FREM1: variants seen among roughly 807,000 people sequenced by gnomAD.
FREM1 encodes FRAS1-related extracellular matrix protein 1.
In FREM1, 220 loss-of-function variants were observed where a neutral mutation model predicts 210.1. That is an observed-to-expected ratio of 1.05 (90% CI 0.94 to 1.17). FREM1 has a LOEUF of 1.17. Among genes scored for constraint, FREM1 ranks in the 50% most tolerant of loss-of-function variants. The pLI is 0.00. For missense variants in FREM1, 3,454 were observed against 2,675.5 expected, an observed-to-expected ratio of 1.29 and a Z score of -6.42; for synonymous variants, 1,189 against 980.2, an observed-to-expected ratio of 1.21 and a Z score of -3.98.
intron 3 of FREM1, among the ~76,000 whole-genome samples, chr9:14,862,579 G>T (rs1830779128): frequency 6.6e-6 from 1 of 152,070 alleles, no homozygotes; most frequent in Non-Finnish European, 1.5e-5. Flanking sequence ...TAGTCCCAAG[G>T]TTGTACAACC....
Position 14,792,925 on chromosome 9 carries a change from G to T in FREM1, c.3840-41C>A, listed in dbSNP as rs906357613. Reference sequence around the variant, plus strand: ...TGTCTGGGTTGATATAAAAATAGAAGATATTCCTTTAGTAGGGGACACTTA... The same window carrying T: ...TGTCTGGGTTGATATAAAAATAGAATATATTCCTTTAGTAGGGGACACTTA... On this transcript the variant is annotated intron_variant, in intron 21 of 36. Coordinates refer to ENST00000380880, the MANE Select transcript of FREM1 (RefSeq NM_001379081.2). The T allele has an allele frequency of 2.0e-5, 28 of 1,400,706 alleles. No homozygotes were observed. The Middle Eastern group carries it at 2.2e-3, about 108-fold the overall frequency. 86.8% of individuals were successfully genotyped at this position (1,400,706 alleles called of 1,614,324 possible). A position where few individuals can be genotyped will look rare whatever the true frequency, so the allele number is the denominator to read the frequency against.
rs768554865 is a variant in FREM1 at position 14,868,859 on chromosome 9, G to A, written c.119C>T (p.Ala40Val). 5 of 1,609,798 alleles carry A rather than the reference G, an allele frequency of 3.1e-6. No individual in the cohort carries two copies. The South Asian group carries it at 5.6e-5, about 18-fold the overall frequency. ...CTTCAGGTCATCTCCTGACAGGAAGGCAGAGTGGCCCTTCATCACCCTCAC... is the reference window on the plus strand; with the variant it reads ...CTTCAGGTCATCTCCTGACAGGAAGACAGAGTGGCCCTTCATCACCCTCAC... ...RGVRVMKGHS[A>V]FLSGDDLKFA... Residue 40 changes from alanine (A) to valine (V), a missense_variant, in exon 2 of 37, where the codon GCC becomes GTC. Coordinates refer to ENST00000380880, the MANE Select transcript of FREM1 (RefSeq NM_001379081.2).
At chr9:14,739,473 TATA>T (rs761488693) in intron 36 of FREM1, among the ~76,000 whole-genome samples, 15,289 of 130,090 alleles carry the variant, frequency 0.12, 1,029 homozygotes, top group Non-Finnish European at 0.16. Context: ...TATATATATA[TATA>T]ATTCATATAT....
chr9:14,758,354 C>G (rs1844813241), intron 28 of FREM1, among the ~76,000 whole-genome samples: 1 of 152,140 alleles, frequency 6.6e-6, no homozygotes, highest in Non-Finnish European at 1.5e-5. Context: ...AAAACTCCAG[C>G]CTAGAGCATA....
chr9:14,849,443 T>C (rs1378848513), intron 6 of FREM1, among the ~76,000 whole-genome samples: 1 of 152,230 alleles, frequency 6.6e-6, no homozygotes, highest in East Asian at 1.9e-4. Context: ...AGTTTTGATC[T>C]TTATTATGTG....
chr9:14,861,205 A>ATG (rs1564106983), intron 3 of FREM1, among the ~76,000 whole-genome samples: 2 of 100,632 alleles, frequency 2.0e-5, no homozygotes, highest in African/African-American at 1.2e-4. Context: ...ATATATACAC[A>ATG]CATATACATA....
chr9:14,900,309 A>G (rs1838548986), intron 1 of FREM1, among the ~76,000 whole-genome samples: 1 of 152,238 alleles, frequency 6.6e-6, no homozygotes, highest in African/African-American at 2.4e-5. Flanking sequence ...TCTAATGAGC[A>G]ACCAGGATGG....
chr9:14,813,191 G>C (rs916596729), intron 15 of FREM1, 127 bp from the exon 16 acceptor site: 1 of 1,030,322 alleles, frequency 9.7e-7, no homozygotes, highest in African/African-American at 1.6e-5. Flanking sequence ...AACAACAGCC[G>C]TGAAATTTGG....
Position 14,797,641 on chromosome 9 carries a change from T to C in FREM1, c.3696A>G (p.Gly1232=). The stretch of plus-strand genomic sequence containing the variant: ...CATCATGCATGTACGTCAACCTCAT[T>C]CCTGGAAGAAGGAAAAAAAATAAGT... ...HSFSMELLKT[G]MRLTYMHDDS... Residue 1232 remains glycine, a splice_region_variant and synonymous_variant, in exon 21 of 37, where the codon GGA becomes GGG. Coordinates refer to ENST00000380880, the MANE Select transcript of FREM1 (RefSeq NM_001379081.2). The C allele has an allele frequency of 6.2e-7, 1 of 1,609,208 alleles. No individual in the cohort carries two copies.
chr9:14,783,880 T>C (rs1850004474), intron 24 of FREM1, among the ~76,000 whole-genome samples: 1 of 152,228 alleles, frequency 6.6e-6, no homozygotes, highest in South Asian at 2.1e-4. Flanking sequence ...ACACATTGTG[T>C]CAAAAGGCAG....
At position 14,842,645 on chromosome 9, in the gene FREM1, A is replaced by T. The variant is rs1380257409; in HGVS notation, c.1409T>A (p.Leu470His). 6.2e-7 allele frequency: 1 copy of T among 1,613,430 alleles called. No individual in the cohort carries two copies. The highest frequency in any genetic ancestry group is 2.2e-5 in the East Asian group (1 of 44,880). ...WLTLRGGKGF[L>H]FTVADLQAGV... is the part of the protein sequence containing the mutation. ...AGCCTGGAGGTCAGCCACGGTGAAGAGAAACCCTTTCCCCCCTGAGGGAGA... is the reference window on the plus strand; with the variant it reads ...AGCCTGGAGGTCAGCCACGGTGAAGTGAAACCCTTTCCCCCCTGAGGGAGA... Residue 470 changes from leucine (L) to histidine (H), a missense_variant, in exon 9 of 37, where the codon CTC (leucine) becomes CAC (histidine). Transcript: ENST00000380880.
At chr9:14,860,704 T>C (rs1482340964) in intron 3 of FREM1, among the ~76,000 whole-genome samples, 2 of 106,376 alleles carry the variant, frequency 1.9e-5, no homozygotes, top group South Asian at 2.6e-4. Context: ...CACACATATA[T>C]ACACACATAT....
chr9:14,827,401 A>G (rs75403488), intron 10 of FREM1, among the ~76,000 whole-genome samples: 2,195 of 152,336 alleles, frequency 0.014, 61 homozygotes, highest in African/African-American at 0.048. Flanking sequence ...GGGATGAGGT[A>G]GGATGCGTGG....
intron 21 of FREM1, among the ~76,000 whole-genome samples, chr9:14,796,001 T>A (rs1852302466): frequency 6.6e-6 from 1 of 152,174 alleles, no homozygotes; most frequent in African/African-American, 2.4e-5. Context: ...GCTATACTAA[T>A]CCAACATATT....
chr9:14,763,376 T>C (rs534055685), intron 27 of FREM1, among the ~76,000 whole-genome samples: 2 of 152,284 alleles, frequency 1.3e-5, no homozygotes, highest in South Asian at 2.1e-4. Flanking sequence ...TTCTTCCATA[T>C]GCGGTTTTAA....
chr9:14,878,437 A>G (rs1834174642), intron 1 of FREM1, among the ~76,000 whole-genome samples: 1 of 151,830 alleles, frequency 6.6e-6, no homozygotes, highest in South Asian at 2.1e-4. Context: ...ATCAAATGTC[A>G]CACTTGCAGT....
At chr9:14,883,782 G>C (rs1835257752) in intron 1 of FREM1, among the ~76,000 whole-genome samples, 1 of 152,190 alleles carries the variant, frequency 6.6e-6, no homozygotes. Context: ...TCCCAGCATA[G>C]GGCTAAGTCA....
intron 1 of FREM1, among the ~76,000 whole-genome samples, chr9:14,898,233 T>C (rs554578045): frequency 6.6e-6 from 1 of 152,218 alleles, no homozygotes; most frequent in Non-Finnish European, 1.5e-5. Flanking sequence ...AAGACAATAA[T>C]TGACACCTTT....
chr9:14,823,389 G>A, intron 12 of FREM1, 62 bp from the exon 13 acceptor site: 4 of 1,434,060 alleles, frequency 2.8e-6, no homozygotes, highest in Middle Eastern at 1.8e-4. Flanking sequence ...AGCTTTTAGA[G>A]GTCCAAGAGA....
Sources: allele counts gnomAD v4.1 joint callset (sites outside exome capture counted in the v4.1 genomes callset), GRCh38; gene constraint gnomAD v4.1.1; transcripts MANE v1.5; gene names NCBI Gene and HGNC (gene_info 2026-07-23, HGNC 2026-07-21).